The following MON1A variants were observed in gnomAD, a reference collection of about 807,000 sequenced individuals.
MON1A encodes the protein vacuolar fusion protein MON1 homolog A.
In MON1A, 29 loss-of-function variants were observed where a neutral mutation model predicts 44.6. The ratio of observed to expected loss-of-function variants is 0.65; its 90% CI spans 0.48 to 0.89. The LOEUF (loss-of-function observed/expected upper bound fraction) is 0.89, where lower values mean the gene tolerates loss of function less well. Ranked by LOEUF, MON1A falls within the 40% of genes least tolerant of loss-of-function variation. The pLI, the probability that MON1A is intolerant of heterozygous loss-of-function variation, is 0.00. For missense variants in MON1A, 615 were observed against 759.6 expected, an observed-to-expected ratio of 0.81 and a Z score of 2.24; for synonymous variants, 275 against 316.4, an observed-to-expected ratio of 0.87 and a Z score of 1.39.
At chr3:49,916,221 G>A (rs542837620) in intron 1 of MON1A, among the ~76,000 whole-genome samples, 11 of 152,258 alleles carry the variant, frequency 7.2e-5, no homozygotes, top group African/African-American at 2.4e-4. Flanking sequence ...TAAAGTAGGT[G>A]TTCAAAAAAG....
intron 1 of MON1A, among the ~76,000 whole-genome samples, chr3:49,920,339 A>G (rs907138791): frequency 1.3e-5 from 2 of 152,222 alleles, no homozygotes; most frequent in African/African-American, 4.8e-5. Flanking sequence ...AAAGGGGCAC[A>G]GAATTCAGTC....
At chr3:49,913,845 G>A (rs1470134479) in intron 1 of MON1A, among the ~76,000 whole-genome samples, 2 of 151,278 alleles carry the variant, frequency 1.3e-5, no homozygotes, top group Non-Finnish European at 2.9e-5. Context: ...GTATTTTTTG[G>A]TATAGACGGG....
intron 1 of MON1A, among the ~76,000 whole-genome samples, chr3:49,914,928 A>G (rs1301991760): frequency 6.6e-6 from 1 of 151,910 alleles, no homozygotes. Flanking sequence ...CAATCCTCCC[A>G]CTTCAGCCTC....
chr3:49,922,374 G>A (rs1437341570), intron 1 of MON1A, among the ~76,000 whole-genome samples: 1 of 152,064 alleles, frequency 6.6e-6, no homozygotes, highest in South Asian at 2.1e-4. Context: ...TTGAACCTGG[G>A]AGGCAGAGTT....
chr3:49,929,503 T>C (rs1051644577), intron 1 of MON1A, 106 bp downstream of exon 1: 67 of 1,303,338 alleles, frequency 5.1e-5, no homozygotes, highest in Middle Eastern at 4.2e-4. Context: ...TTGCAAACGA[T>C]AGCGTTGATG....
chr3:49,911,418 C>G lies in MON1A; in HGVS notation c.613+108G>C. ...GCTCAGAGAGGTAGAGGGACTTACC[C>G]TCAGTCACACAGCACATCCCAGCCC... On this transcript the variant is annotated intron_variant, in intron 3 of 5. Coordinates refer to ENST00000296473, the MANE Select transcript of MON1A (RefSeq NM_032355.4). This position sits in a 1 kb window ranked among gnomAD's most constrained non-coding sequence, Gnocchi z 5.7. The G allele has an allele frequency of 6.9e-7, 1 of 1,456,892 alleles. No homozygotes were observed. 90.2% of individuals were successfully genotyped at this position (1,456,892 alleles called of 1,614,324 possible).
At position 49,909,754 on chromosome 3, in the gene MON1A, A is replaced by G; in HGVS notation, c.1380-354T>C. The G allele has an allele frequency of 2.9e-6, 1 of 344,386 alleles. No homozygotes were observed. The highest frequency in any genetic ancestry group is 2.1e-5 in the African/African-American group (1 of 48,470). The allele number at this position is 344,386 out of a possible 1,614,324, so 21.3% of individuals were successfully genotyped here. A position where few individuals can be genotyped will look rare whatever the true frequency, so the allele number is the denominator to read the frequency against. Reference sequence around the variant, plus strand: ...GCCAAAAGGGACAAAGGGAGGCCATATCTTCCCAGCCCCTCTGCTGGGGGA... The same window carrying G: ...GCCAAAAGGGACAAAGGGAGGCCATGTCTTCCCAGCCCCTCTGCTGGGGGA... On this transcript the variant is annotated intron_variant, in intron 4 of 5. Coordinates refer to ENST00000296473, the MANE Select transcript of MON1A (RefSeq NM_032355.4). This position sits in a 1 kb window ranked among gnomAD's most constrained non-coding sequence, Gnocchi z 4.0.
intron 1 of MON1A, among the ~76,000 whole-genome samples, chr3:49,918,153 A>G (rs1235282610): frequency 1.3e-5 from 2 of 152,012 alleles, no homozygotes; most frequent in African/African-American, 2.4e-5. Flanking sequence ...CCTGACTAAC[A>G]TGGTGAAACC....
chr3:49,918,949 A>T (rs1029135329), intron 1 of MON1A, among the ~76,000 whole-genome samples: 2 of 152,174 alleles, frequency 1.3e-5, no homozygotes, highest in African/African-American at 4.8e-5. Flanking sequence ...TGGGAGGCCT[A>T]GGTGGGCAAA....
intron 1 of MON1A, among the ~76,000 whole-genome samples, chr3:49,922,487 G>A (rs2108538361): frequency 7.5e-6 from 1 of 133,858 alleles, no homozygotes; most frequent in Non-Finnish European, 1.6e-5. Flanking sequence ...GTAAAGGGAG[G>A]AAGGAAGGAA....
At position 49,909,055 on chromosome 3, in the gene MON1A, C is replaced by T. The variant is rs1180707390; in HGVS notation, c.1627G>A (p.Glu543Lys). The change falls in exon 6 of 6, where the codon GAG (glutamate) becomes AAG (lysine). Residue 543 changes from glutamate to lysine, a missense_variant. By Grantham distance (56) the Glu-to-Lys change is moderately conservative. Transcript: ENST00000296473. The surrounding 1 kb of genome is among the most constrained non-coding windows in gnomAD (Gnocchi z 4.0). The stretch of plus-strand genomic sequence containing the variant: ...GTGAGAATGAAGAGGCGGTCTTCCT[C>T]TTTGCGGATCCAGCGCATCAGCTTA... ...IHKLMRWIRKEEDRLFILTPL... is the reference protein window; with the variant it reads ...IHKLMRWIRKKEDRLFILTPL... 6.2e-7 allele frequency: 1 copy of T among 1,613,880 alleles called. No individual in the cohort carries two copies. Among genetic ancestry groups the T allele is most frequent in the South Asian group, 1.1e-5 (1 of 91,046 alleles).
Position 49,911,374 on chromosome 3 carries a change from T to C in MON1A, c.613+152A>G, listed in dbSNP as rs2082884304. 5.0e-6 allele frequency: 6 copies of C among 1,206,838 alleles called. No individual in the cohort carries two copies. Among genetic ancestry groups the C allele is most frequent in the Non-Finnish European group, 6.8e-6 (6 of 879,270 alleles). The allele number at this position is 1,206,838 out of a possible 1,614,324, so 74.8% of individuals were successfully genotyped here. Reference sequence around the variant, plus strand: ...AGGCCAGCAGTGTTGTTATCTTCTGTTCAGGTGAGGACCTTGAAGCTCAGA... The same window carrying C: ...AGGCCAGCAGTGTTGTTATCTTCTGCTCAGGTGAGGACCTTGAAGCTCAGA... On this transcript the variant is annotated intron_variant, in intron 3 of 5. Coordinates refer to ENST00000296473, the MANE Select transcript of MON1A (RefSeq NM_032355.4). This position sits in a 1 kb window ranked among gnomAD's most constrained non-coding sequence, Gnocchi z 5.7.
intron 1 of MON1A, among the ~76,000 whole-genome samples, chr3:49,927,327 C>T (rs1477048159): frequency 6.6e-6 from 1 of 152,118 alleles, no homozygotes; most frequent in African/African-American, 2.4e-5. Flanking sequence ...GTATTGATTC[C>T]TTGGGTTGTG....
In MON1A at chr3:49,910,982, C is replaced by T; in HGVS notation, c.614-98G>A. The T allele has an allele frequency of 1.7e-6, 2 of 1,200,574 alleles. No individual in the cohort carries two copies. The highest frequency in any genetic ancestry group is 2.4e-5 in the East Asian group (1 of 41,108). 74.4% of individuals were successfully genotyped at this position (1,200,574 alleles called of 1,614,324 possible). On this transcript the variant is annotated intron_variant, in intron 3 of 5. Coordinates refer to ENST00000296473, the MANE Select transcript of MON1A (RefSeq NM_032355.4). The surrounding 1 kb of genome is among the most constrained non-coding windows in gnomAD (Gnocchi z 8.0). ...CTCTTCGCTTTCCCCATCCTTTCCT[C>T]GCTCAGAGCTCTGCGCACAGTAGGG...
chr3:49,915,739 AT>A (rs1325599577), intron 1 of MON1A: 2 of 152,162 alleles, frequency 1.3e-5, no homozygotes, highest in Non-Finnish European at 2.9e-5. Context: ...AACTATAGAC[AT>A]GTCAACTCTC....
chr3:49,920,963 G>A (rs1028546783), intron 1 of MON1A, among the ~76,000 whole-genome samples: 8 of 151,578 alleles, frequency 5.3e-5, no homozygotes, highest in African/African-American at 1.9e-4. Flanking sequence ...TTCAAGACCA[G>A]CCTGGGCAAT....
rs531104294 is a variant in MON1A at position 49,908,889 on chromosome 3, A to G, written c.*125T>C. On this transcript the variant is annotated 3_prime_UTR_variant, in exon 6 of 6. Transcript: ENST00000296473. ...ACAAGTGTCTTCCCCAAAGCACTTT[A>G]ATGCATTCACCAACCCACAGTCCCT... 13 of 1,122,074 alleles carry G rather than the reference A, an allele frequency of 1.2e-5. No homozygotes were observed. The highest frequency in any genetic ancestry group is 1.6e-5 in the Non-Finnish European group (13 of 797,510). 69.5% of individuals were successfully genotyped at this position (1,122,074 alleles called of 1,614,324 possible).
chr3:49,929,626 C>A lies in MON1A; in HGVS notation c.-31G>T, dbSNP rs373514881. On this transcript the variant is annotated 5_prime_UTR_variant, in exon 1 of 6. Transcript: ENST00000296473. ...CAACTCACCTGTTTCTCAGAGGAGT[C>A]CAGGACGCACAGAAGGTGCCGGTCA... The A allele has an allele frequency of 5.2e-4, 811 of 1,551,416 alleles. 1 individual carries two copies. The highest frequency in any genetic ancestry group is 6.7e-4 in the Middle Eastern group (4 of 6,008).
At chr3:49,918,018 C>T (rs1379396931) in intron 1 of MON1A, among the ~76,000 whole-genome samples, 1 of 151,420 alleles carries the variant, frequency 6.6e-6, no homozygotes, top group Non-Finnish European at 1.5e-5. Flanking sequence ...CCAGCCCAGG[C>T]AACAAAACCA....
Sources: allele counts gnomAD v4.1 joint callset (sites outside exome capture counted in the v4.1 genomes callset), GRCh38; gene constraint gnomAD v4.1.1; non-coding constraint Gnocchi (gnomAD v3.1); transcripts MANE v1.5; gene names NCBI Gene and HGNC (gene_info 2026-07-23, HGNC 2026-07-21).